THAP6: variants seen among roughly 807,000 people sequenced by gnomAD.
THAP6 encodes THAP domain containing 6, also known as THAP domain-containing protein 6.
THAP6 carries 13 observed loss-of-function variants against 20.0 expected under a neutral mutation model. The ratio of observed to expected loss-of-function variants is 0.65; its 90% confidence interval spans 0.42 to 1.03. The LOEUF (loss-of-function observed/expected upper bound fraction) is 1.03. Ranked by LOEUF, THAP6 falls within the 50% of genes least tolerant of loss-of-function variation. The pLI, the probability that THAP6 is intolerant of heterozygous loss-of-function variation, is 0.00. For missense variants in THAP6, 262 were observed against 261.6 expected (o/e 1.00, Z -0.01); for synonymous variants, 93 against 92.2 (o/e 1.01, Z -0.05).
At chr4:75,539,892 G>C in intron 2 of THAP6, 1 of 1,536,028 alleles carries the variant, frequency 6.5e-7, no homozygotes, top group Non-Finnish European at 8.7e-7. Flanking sequence ...ACAGGAAGAA[G>C]AACAAAAACC....
In THAP6 at chr4:75,528,642, A is replaced by G. The variant is rs946643404; in HGVS notation, c.*1428A>G. 17 of 984,964 alleles carry G rather than the reference A, an allele frequency of 1.7e-5. No homozygotes were observed. Among genetic ancestry groups the G allele is most frequent in the South Asian group, 4.7e-5 (1 of 21,286 alleles). The allele number at this position is 984,964 out of a possible 1,614,324, so 61.0% of individuals were successfully genotyped here. A position where few individuals can be genotyped will look rare whatever the true frequency, so the allele number is the denominator to read the frequency against. Reference sequence around the variant, plus strand: ...GTTATACTTTTATGTAGGATTCCAAACCTTCCCTCTAAATGGGATTTAACC... The same window carrying G: ...GTTATACTTTTATGTAGGATTCCAAGCCTTCCCTCTAAATGGGATTTAACC... On this transcript the variant is annotated 3_prime_UTR_variant, in exon 5 of 5. Coordinates refer to ENST00000311638, the MANE Select transcript of THAP6 (RefSeq NM_144721.6).
chr4:75,515,786 A>G (rs1725555173), intron 2 of THAP6, among the ~76,000 whole-genome samples: 1 of 152,240 alleles, frequency 6.6e-6, no homozygotes, highest in South Asian at 2.1e-4. Context: ...TGCTAATATT[A>G]TTACTTTGTA....
intron 2 of THAP6, among the ~76,000 whole-genome samples, chr4:75,538,572 A>G (rs1726929136): frequency 6.6e-6 from 1 of 152,202 alleles, no homozygotes; most frequent in Admixed American, 6.5e-5. Context: ...GAGGGAAGCC[A>G]GGTTTCTAAA....
intron 3 of THAP6, chr4:75,542,727 T>TTTGTTTTGTC (rs1265475887): frequency 2.7e-6 from 1 of 365,182 alleles, no homozygotes; most frequent in Non-Finnish European, 4.9e-6. Flanking sequence ...TTTGTTTTGT[T>TTTGTTTTGTC]TTGTTTTGTC....
chr4:75,542,496 T>C, intron 3 of THAP6: 1 of 701,472 alleles, frequency 1.4e-6, no homozygotes, highest in Non-Finnish European at 2.6e-6. Context: ...GGTGCCAATC[T>C]TTATTCAAAG....
chr4:75,527,416 A>G lies in THAP6; in HGVS notation c.*202A>G, dbSNP rs1726450464. 1 of 1,382,626 alleles carries G rather than the reference A, an allele frequency of 7.2e-7. No homozygotes were observed. The allele number at this position is 1,382,626 out of a possible 1,614,324, so 85.6% of individuals were successfully genotyped here. A position where few individuals can be genotyped will look rare whatever the true frequency, so the allele number is the denominator to read the frequency against. ...AATTATGTATTTGTGTCTTGTGACA[A>G]TTATGTTTTATAGACCTACACTAGT... On this transcript the variant is annotated 3_prime_UTR_variant, in exon 5 of 5. Transcript: ENST00000311638.
chr4:75,533,455 G>C (rs1404804877), downstream of THAP6, among the ~76,000 whole-genome samples: 4 of 152,018 alleles, frequency 2.6e-5, no homozygotes, highest in Non-Finnish European at 5.9e-5. Flanking sequence ...CCTCTAAACT[G>C]TTCCAACCTC....
chr4:75,536,553 G>T (rs567822124), intron 2 of THAP6, among the ~76,000 whole-genome samples: 45 of 152,152 alleles, frequency 3.0e-4, no homozygotes, highest in Admixed American at 6.5e-4. Flanking sequence ...TTGAAACAGG[G>T]TCTCACTCTG....
At chr4:75,539,960 G>C (rs769772800) in intron 2 of THAP6, 6 of 1,535,406 alleles carry the variant, frequency 3.9e-6, no homozygotes, top group Non-Finnish European at 4.4e-6. Context: ...CAGTGGTCAG[G>C]TAGGCTATTT....
At chr4:75,546,610 G>T (rs1457872438) in intron 3 of THAP6, among the ~76,000 whole-genome samples, 1 of 152,212 alleles carries the variant, frequency 6.6e-6, no homozygotes, top group African/African-American at 2.4e-5. Context: ...ATATGGAGAG[G>T]AGAGGTTTAG....
chr4:75,530,385 T>G (rs975023893), downstream of THAP6, among the ~76,000 whole-genome samples: 6 of 152,224 alleles, frequency 3.9e-5, no homozygotes, highest in Non-Finnish European at 8.8e-5. Flanking sequence ...TGTCTCTTAC[T>G]TTAGAGGGGA....
intron 3 of THAP6, among the ~76,000 whole-genome samples, chr4:75,520,341 A>G (rs1363429217): frequency 3.9e-5 from 6 of 152,110 alleles, no homozygotes; most frequent in Non-Finnish European, 7.4e-5. Context: ...ATACGCTTCA[A>G]TTAGAAGTGG....
chr4:75,547,011 C>G (rs1727141132), intron 3 of THAP6, among the ~76,000 whole-genome samples: 1 of 152,202 alleles, frequency 6.6e-6, no homozygotes, highest in Non-Finnish European at 1.5e-5. Flanking sequence ...TGAGATTGCC[C>G]TGAGCCCAAA....
intron 3 of THAP6, chr4:75,544,301 A>AT (rs1273806212): frequency 6.6e-6 from 1 of 151,986 alleles, no homozygotes; most frequent in Non-Finnish European, 1.5e-5. Context: ...TAAGGACTTT[A>AT]TTTTTTAATT....
At chr4:75,515,367 G>A in intron 1 of THAP6, 66 bp from the exon 2 acceptor site, 1 of 1,453,738 alleles carries the variant, frequency 6.9e-7, no homozygotes, top group Non-Finnish European at 9.6e-7. Context: ...TAAAACACCG[G>A]GAAAGGGAAA....
chr4:75,519,329 T>A lies in THAP6; in HGVS notation c.288+2350T>A. Reference sequence around the variant, plus strand: ...TCTGAACATTTTGGGGCACATCTTTTTTTTTTTTTTAATTATGCTTTAAGT... The same window carrying A: ...TCTGAACATTTTGGGGCACATCTTTATTTTTTTTTTAATTATGCTTTAAGT... On this transcript the variant is annotated intron_variant, in intron 3 of 4. Transcript: ENST00000311638. Among the ~76,000 whole-genome samples the A allele has an allele frequency of 1.3e-5, 2 of 152,022 alleles. 1 individual carries two copies. The highest frequency in any genetic ancestry group is 4.2e-4 in the South Asian group (2 of 4,806).
At chr4:75,523,817 A>AG (rs1276911716) in intron 4 of THAP6, among the ~76,000 whole-genome samples, 60 of 150,202 alleles carry the variant, frequency 4.0e-4, no homozygotes, top group South Asian at 1.5e-3. Context: ...AAAAAAAAAA[A>AG]AAAAGAAAAG....
In THAP6 at chr4:75,523,816, A is replaced by G. The variant is rs192000671; in HGVS notation, c.414+1955A>G. 3.8e-3 allele frequency among the ~76,000 whole-genome samples: 574 copies of G among 151,544 alleles called. 1 individual carries two copies. Among genetic ancestry groups the G allele is most frequent in the Non-Finnish European group, 6.3e-3 (429 of 67,864 alleles). On this transcript the variant is annotated intron_variant, in intron 4 of 4. Transcript: ENST00000311638. ...AACCTGTCTCAAAAAAAAAAAAAAA[A>G]AAAAAGAAAAGAAATCTTAGCCCAG... is the stretch of plus-strand genomic sequence containing the variant.
chr4:75,514,245 C>A, upstream of THAP6: 1 of 1,613,086 alleles, frequency 6.2e-7, no homozygotes, highest in South Asian at 1.1e-5. Context: ...GCTGACCTCG[C>A]TCTTGACCGC....
Sources: gnomAD v4.1 joint callset for allele counts (sites outside exome capture counted in the v4.1 genomes callset) on GRCh38, gnomAD v4.1.1 for gene constraint, MANE v1.5 for transcripts, NCBI Gene and HGNC (gene_info 2026-07-23, HGNC 2026-07-21) for gene names.